Variants in AOAH observed in about 807,000 individuals in gnomAD.
AOAH encodes acyloxyacyl hydrolase (neutrophil).
In AOAH, 64 loss-of-function variants were observed where a neutral mutation model predicts 92.2. That is an observed-to-expected ratio of 0.69 (90% CI 0.57 to 0.86). The LOEUF (loss-of-function observed/expected upper bound fraction) is 0.86. AOAH is among the 40% of genes least tolerant of loss of function. The probability of loss-of-function intolerance (pLI) is 0.00; values close to 1 mark genes in which losing one functional copy is unlikely to be tolerated. For missense variants in AOAH, 656 were observed against 694.6 expected, an observed-to-expected ratio of 0.94 and a Z score of 0.62; for synonymous variants, 263 against 254.5, an observed-to-expected ratio of 1.03 and a Z score of -0.32.
chr7:36,657,641 G>A (rs976063170), intron 4 of AOAH, among the ~76,000 whole-genome samples: 75 of 152,314 alleles, frequency 4.9e-4, no homozygotes, highest in African/African-American at 1.8e-3. Context: ...GGCTGTCCAG[G>A]GAATCGTCAC....
chr7:36,523,741 G>A (rs952979395), intron 19 of AOAH, among the ~76,000 whole-genome samples: 2 of 146,582 alleles, frequency 1.4e-5, no homozygotes, highest in African/African-American at 5.0e-5. Flanking sequence ...GCTCCTGTGG[G>A]TTCCAGACTG....
At chr7:36,676,214 T>C (rs979102906) in intron 2 of AOAH, among the ~76,000 whole-genome samples, 10 of 152,174 alleles carry the variant, frequency 6.6e-5, no homozygotes, top group Non-Finnish European at 1.3e-4. Context: ...TAGAAAATCC[T>C]AAGGAATCTA....
intron 1 of AOAH, among the ~76,000 whole-genome samples, chr7:36,690,794 C>G (rs1179724289): frequency 1.3e-5 from 2 of 152,142 alleles, no homozygotes; most frequent in African/African-American, 2.4e-5. Context: ...AACAGACACT[C>G]CTGGTAGCAC....
At chr7:36,683,262 T>C (rs894770281) in intron 2 of AOAH, among the ~76,000 whole-genome samples, 1 of 152,196 alleles carries the variant, frequency 6.6e-6, no homozygotes, top group African/African-American at 2.4e-5. Flanking sequence ...CATGCAAGAA[T>C]TCAAGGAATA....
intron 6 of AOAH, among the ~76,000 whole-genome samples, chr7:36,627,077 C>T (rs927659542): frequency 1.3e-5 from 2 of 152,112 alleles, no homozygotes; most frequent in African/African-American, 4.8e-5. Flanking sequence ...TTGGGAGTCC[C>T]TGCTGTGTGC....
Position 36,532,272 on chromosome 7 carries a change from C to T in AOAH, c.1365+14G>A. The T allele has an allele frequency of 6.2e-7, 1 of 1,614,174 alleles. No homozygotes were observed. The highest frequency in any genetic ancestry group is 8.5e-7 in the Non-Finnish European group (1 of 1,180,038). On this transcript the variant is annotated intron_variant, in intron 17 of 20. Transcript: ENST00000617537. ...TAGGTAAGCGGGCCTTGAAGCAAGC[C>T]AGTGAGTGCTCACCTGGAGGCAGTT...
chr7:36,673,728 G>A (rs1457994148), intron 3 of AOAH, among the ~76,000 whole-genome samples: 1 of 152,142 alleles, frequency 6.6e-6, no homozygotes, highest in Admixed American at 6.5e-5. Context: ...CCAAGTACAG[G>A]TTACCACACT....
intron 2 of AOAH, among the ~76,000 whole-genome samples, chr7:36,684,906 C>CAAAAAAAAAAAAAAAA (rs57827044): frequency 1.7e-5 from 1 of 59,988 alleles, no homozygotes; most frequent in Non-Finnish European, 2.9e-5. Flanking sequence ...GACCTTGTCT[C>CAAAAAAAAAAAAAAAA]AAAAAAAAAA....
rs60240330 is a variant in AOAH at position 36,563,147 on chromosome 7, CAAAAAAAAAAAAAAAAA to C, written c.1021+13410_1021+13426del. ...GTGCAACAAGAATGAAACTCCGTCT[CAAAAAAAAAAAAAAAAA>C]AAAAAAAAAAAAAAAAAAAAGGCAA... On this transcript the variant is annotated intron_variant, in intron 13 of 20. Coordinates refer to ENST00000617537, the MANE Select transcript of AOAH (RefSeq NM_001637.4). Among the ~76,000 whole-genome samples the C allele has an allele frequency of 7.5e-4, 27 of 36,062 alleles. 1 individual carries two copies. The highest frequency in any genetic ancestry group is 0.029 in the Middle Eastern group (2 of 70). 23.7% of individuals were successfully genotyped at this position (36,062 alleles called of 152,430 possible).
intron 1 of AOAH, among the ~76,000 whole-genome samples, chr7:36,710,183 C>T (rs1798670897): frequency 6.6e-6 from 1 of 152,100 alleles, no homozygotes; most frequent in South Asian, 2.1e-4. Context: ...TATTCTGTTA[C>T]ATGGCAATGA....
In AOAH at chr7:36,640,571, C is replaced by T. The variant is rs904542130; in HGVS notation, c.391-2661G>A. On this transcript the variant is annotated intron_variant, in intron 4 of 20. Transcript: ENST00000617537. ...TTTAGGTGTAACAAAGATGTGGAGG[C>T]GTGCCCTTGGACCCAGGGTTGTCTG... Among the ~76,000 whole-genome samples the T allele has an allele frequency of 9.2e-5, 14 of 151,962 alleles. No individual in the cohort carries two copies. In the East Asian group the frequency reaches 2.5e-3, roughly 27 times the overall value.
At chr7:36,533,598 A>G (rs1228691360) in intron 16 of AOAH, among the ~76,000 whole-genome samples, 1 of 151,930 alleles carries the variant, frequency 6.6e-6, no homozygotes, top group African/African-American at 2.4e-5. Context: ...CTTTTATTTT[A>G]TGGGTCCAAC....
intron 19 of AOAH, among the ~76,000 whole-genome samples, chr7:36,527,322 A>G (rs750672256): frequency 1.3e-5 from 2 of 152,238 alleles, no homozygotes; most frequent in Non-Finnish European, 2.9e-5. Context: ...ATGAAAAATG[A>G]GAATATTTTT....
At chr7:36,544,214 G>C (rs530618354) in intron 15 of AOAH, among the ~76,000 whole-genome samples, 1 of 151,938 alleles carries the variant, frequency 6.6e-6, no homozygotes, top group South Asian at 2.1e-4. Flanking sequence ...CAAAATGCTG[G>C]GATTACAGGC....
At chr7:36,643,887 C>T (rs62445876) in intron 4 of AOAH, among the ~76,000 whole-genome samples, 24,844 of 152,122 alleles carry the variant, frequency 0.16, 2,244 homozygotes, top group Middle Eastern at 0.22. Context: ...TTGCCTTCTG[C>T]CATGATTGTA....
chr7:36,676,707 C>G lies in AOAH; in HGVS notation c.224-2698G>C, dbSNP rs536515868. Among the ~76,000 whole-genome samples the G allele has an allele frequency of 1.7e-4, 26 of 152,244 alleles. No individual in the cohort carries two copies. In the South Asian group the frequency reaches 5.4e-3, roughly 32 times the overall value. ...CTGACATTGGGAAACAATTTCAAAG[C>G]TAGACAGCTACTGTAATCAAGATAG... is the stretch of plus-strand genomic sequence containing the variant. On this transcript the variant is annotated intron_variant, in intron 2 of 20. Transcript: ENST00000617537.
intron 13 of AOAH, among the ~76,000 whole-genome samples, chr7:36,552,735 A>C (rs1786363169): frequency 6.6e-6 from 1 of 151,834 alleles, no homozygotes; most frequent in Admixed American, 6.6e-5. Context: ...ATGCCTCCCC[A>C]CCTCTAGTAG....
chr7:36,567,904 G>C (rs560448859), intron 13 of AOAH, among the ~76,000 whole-genome samples: 1 of 152,202 alleles, frequency 6.6e-6, no homozygotes, highest in South Asian at 2.1e-4. Context: ...CTGTAGGGGA[G>C]GAAAAAGAAT....
intron 2 of AOAH, among the ~76,000 whole-genome samples, chr7:36,677,285 TAG>T (rs1796310376): frequency 6.6e-6 from 1 of 152,120 alleles, no homozygotes; most frequent in Non-Finnish European, 1.5e-5. Context: ...AGAATCTGAA[TAG>T]ACAGTTTTCC....
Sources: allele counts gnomAD v4.1 joint callset (sites outside exome capture counted in the v4.1 genomes callset), GRCh38; gene constraint gnomAD v4.1.1; transcripts MANE v1.5; gene names NCBI Gene and HGNC (gene_info 2026-07-23, HGNC 2026-07-21).